Variants in LINGO2 observed in about 807,000 individuals in gnomAD.
The protein encoded by LINGO2 is leucine-rich repeat and immunoglobulin-like domain-containing nogo receptor-interacting protein 2.
A neutral mutation model predicts 30.6 loss-of-function variants in LINGO2; 14 were observed. The observed-to-expected ratio is 0.46, with a 90% CI of 0.30 to 0.72. The LOEUF is 0.72. Ranked by LOEUF, LINGO2 falls within the 30% of genes least tolerant of loss-of-function variation. The probability of loss-of-function intolerance (pLI) is 0.07; values close to 1 mark genes in which losing one functional copy is unlikely to be tolerated. For synonymous variants in LINGO2, 317 were observed against 288.5 expected, an observed-to-expected ratio of 1.10 and a Z score of -1.00; for missense variants, 729 against 751.7, an observed-to-expected ratio of 0.97 and a Z score of 0.35.
intron 4 of LINGO2, among the ~76,000 whole-genome samples, chr9:28,104,579 A>G (rs951379566): frequency 1.3e-5 from 2 of 151,830 alleles, no homozygotes; most frequent in Non-Finnish European, 2.9e-5. Flanking sequence ...TTTTTTTTCA[A>G]TTACAATTCC....
chr9:28,396,693 G>C (rs933776950), intron 2 of LINGO2, among the ~76,000 whole-genome samples: 1 of 39,128 alleles, frequency 2.6e-5, no homozygotes, highest in Non-Finnish European at 4.3e-5. Flanking sequence ...GACAGAGCGA[G>C]ACTCCATCTC....
rs56052122 is a variant in LINGO2, at chr9:28,369,273, G to T, written c.-246+3563C>A. ...ACTTAACATTTTTGAAAATGTGTTTGCCATTTTTTGTCTGGTATTGTCTGT... is the reference window on the plus strand; with the variant it reads ...ACTTAACATTTTTGAAAATGTGTTTTCCATTTTTTGTCTGGTATTGTCTGT... On this transcript the variant is annotated intron_variant, in intron 3 of 5. Transcript: ENST00000379992. Among the ~76,000 whole-genome samples, 1,429 of 152,134 alleles carry T rather than the reference G, an allele frequency of 9.4e-3. 16 individuals are homozygous for T. Among genetic ancestry groups the T allele is most frequent in the African/African-American group, 0.032 (1,342 of 41,502 alleles).
chr9:28,139,747 A>T (rs1827621934), intron 4 of LINGO2, among the ~76,000 whole-genome samples: 1 of 152,224 alleles, frequency 6.6e-6, no homozygotes, highest in Non-Finnish European at 1.5e-5. Flanking sequence ...GAAATAAAAA[A>T]AATAAGGGAA....
chr9:29,164,302 G>C, the LINGO2 span, among the ~76,000 whole-genome samples: 1 of 152,118 alleles, frequency 6.6e-6, no homozygotes, highest in African/African-American at 2.4e-5. Flanking sequence ...ACAAGTAATT[G>C]TTCTTCTAAG....
At position 28,179,328 on chromosome 9, in the gene LINGO2, GTA is replaced by G. The variant is rs772393017; in HGVS notation, c.-87+115878_-87+115879del. Among the ~76,000 whole-genome samples the G allele has an allele frequency of 3.2e-3, 443 of 140,054 alleles. 14 individuals are homozygous for G. The South Asian group carries it at 0.056, about 18-fold the overall frequency. The allele number at this position is 140,054 out of a possible 152,430, so 91.9% of individuals were successfully genotyped here. On this transcript the variant is annotated intron_variant, in intron 4 of 5. Transcript: ENST00000379992. ...TTATACTATATATACTATACTATATGTATATATATACTATACTTTATGTATAT... is the reference window on the plus strand; with the variant it reads ...TTATACTATATATACTATACTATATGTATATATACTATACTTTATGTATAT...
At chr9:28,681,539 A>T in the LINGO2 span, among the ~76,000 whole-genome samples, 1 of 152,220 alleles carries the variant, frequency 6.6e-6, no homozygotes, top group Admixed American at 6.5e-5. Flanking sequence ...CACACAAAAA[A>T]GAAGTAGTAA....
chr9:28,400,418 G>T (rs1415152195), intron 2 of LINGO2, among the ~76,000 whole-genome samples: 2 of 152,154 alleles, frequency 1.3e-5, no homozygotes, highest in African/African-American at 4.8e-5. Context: ...ATTAGGCATG[G>T]TAGGTGAATT....
the LINGO2 span, among the ~76,000 whole-genome samples, chr9:29,073,191 C>T: frequency 2.6e-5 from 4 of 152,002 alleles, no homozygotes; most frequent in African/African-American, 7.3e-5. Context: ...CAGACCCATA[C>T]ATATCTCCAT....
the LINGO2 span, among the ~76,000 whole-genome samples, chr9:28,833,144 A>G: frequency 6.6e-6 from 1 of 152,210 alleles, no homozygotes; most frequent in Non-Finnish European, 1.5e-5. Context: ...GGACTGTGAC[A>G]GCAGGCCTGT....
At chr9:29,192,682 G>A in the LINGO2 span, among the ~76,000 whole-genome samples, 4 of 152,202 alleles carry the variant, frequency 2.6e-5, no homozygotes, top group South Asian at 2.1e-4. Context: ...GCCAAGCAGA[G>A]GTAAAATATT....
At chr9:28,400,380 T>A (rs1056180271) in intron 2 of LINGO2, among the ~76,000 whole-genome samples, 4 of 152,284 alleles carry the variant, frequency 2.6e-5, no homozygotes, top group African/African-American at 9.6e-5. Flanking sequence ...CAGGTCCATA[T>A]TCAATGATGT....
chr9:29,128,063 A>G, the LINGO2 span, among the ~76,000 whole-genome samples: 1 of 152,076 alleles, frequency 6.6e-6, no homozygotes, highest in Non-Finnish European at 1.5e-5. Context: ...GCATGGCTTT[A>G]TCAAATTATA....
intron 2 of LINGO2, among the ~76,000 whole-genome samples, chr9:28,408,072 A>G (rs1822585865): frequency 6.6e-6 from 1 of 152,084 alleles, no homozygotes; most frequent in Non-Finnish European, 1.5e-5. Context: ...AAATTTTTTC[A>G]ACAACCCTGT....
intron 1 of LINGO2, among the ~76,000 whole-genome samples, chr9:28,600,049 G>A (rs1318928950): frequency 6.6e-6 from 1 of 151,950 alleles, no homozygotes; most frequent in Non-Finnish European, 1.5e-5. Context: ...CAATAATAAA[G>A]TATCACTAGA....
the LINGO2 span, among the ~76,000 whole-genome samples, chr9:28,980,669 A>T: frequency 6.6e-6 from 1 of 151,994 alleles, no homozygotes; most frequent in Non-Finnish European, 1.5e-5. Flanking sequence ...CTTCTCTTTA[A>T]CTATTTGCTC....
the LINGO2 span, among the ~76,000 whole-genome samples, chr9:29,189,607 C>T: frequency 1.3e-3 from 202 of 151,472 alleles, no homozygotes; most frequent in African/African-American, 4.5e-3. Flanking sequence ...ACTTCCCAGA[C>T]GGGGTGGCGG....
the LINGO2 span, among the ~76,000 whole-genome samples, chr9:28,905,911 T>G: frequency 6.6e-6 from 1 of 152,040 alleles, no homozygotes. Context: ...TCAACCCAAG[T>G]GTCCATTAAA....
At chr9:28,636,465 C>T (rs1588000618) in intron 1 of LINGO2, among the ~76,000 whole-genome samples, 1 of 152,294 alleles carries the variant, frequency 6.6e-6, no homozygotes, top group East Asian at 1.9e-4. Context: ...TCCTGTTTCT[C>T]CACATCGTCT....
intron 3 of LINGO2, among the ~76,000 whole-genome samples, chr9:28,341,690 C>A (rs1318515392): frequency 2.0e-5 from 3 of 152,108 alleles, no homozygotes; most frequent in Non-Finnish European, 4.4e-5. Flanking sequence ...CAAAATTTAA[C>A]CATATTTAAC....
Sources: allele counts gnomAD v4.1 joint callset (sites outside exome capture counted in the v4.1 genomes callset), GRCh38; gene constraint gnomAD v4.1.1; transcripts MANE v1.5; gene names NCBI Gene and HGNC (gene_info 2026-07-23, HGNC 2026-07-21).